The following CMTM8 variants were observed in gnomAD, a reference collection of about 807,000 sequenced individuals.
The protein encoded by CMTM8 is CKLF-like MARVEL transmembrane domain-containing protein 8.
CMTM8 carries 12 observed loss-of-function variants against 18.6 expected under a neutral mutation model. That is an observed-to-expected ratio of 0.65 (90% CI 0.41 to 1.05). CMTM8 has a LOEUF of 1.05. CMTM8 is among the 50% of genes least tolerant of loss of function. CMTM8 has a pLI of 0.00. For missense variants in CMTM8, 217 were observed against 227.2 expected, an observed-to-expected ratio of 0.95 and a Z score of 0.29; for synonymous variants, 87 against 90.6, an observed-to-expected ratio of 0.96 and a Z score of 0.23.
intron 1 of CMTM8, among the ~76,000 whole-genome samples, chr3:32,334,382 A>G (rs917989445): frequency 6.6e-6 from 1 of 152,016 alleles, no homozygotes; most frequent in South Asian, 2.1e-4. Context: ...CCAGGCAGGC[A>G]GATCACGAGG....
intron 1 of CMTM8, among the ~76,000 whole-genome samples, chr3:32,275,666 T>TTGG (rs144431874): frequency 0.094 from 8,796 of 93,472 alleles, 459 homozygotes; most frequent in African/African-American, 0.13. Flanking sequence ...TTTTTTTTTT[T>TTGG]GGGGACAGAG....
At chr3:32,355,996 T>A (rs960555369) in intron 1 of CMTM8, among the ~76,000 whole-genome samples, 2 of 152,202 alleles carry the variant, frequency 1.3e-5, no homozygotes, top group African/African-American at 4.8e-5. Flanking sequence ...ACCGTTTACC[T>A]TCTTCATAAC....
chr3:32,288,575 A>C (rs1332555348), intron 1 of CMTM8, among the ~76,000 whole-genome samples: 1 of 151,314 alleles, frequency 6.6e-6, no homozygotes, highest in Non-Finnish European at 1.5e-5. Flanking sequence ...ATCTCAGCTC[A>C]CTGCAACCTC....
chr3:32,341,407 G>T (rs117176094), intron 1 of CMTM8, among the ~76,000 whole-genome samples: 35 of 152,244 alleles, frequency 2.3e-4, no homozygotes, highest in African/African-American at 7.9e-4. Flanking sequence ...GCAGGCTTAT[G>T]GTCTGCCAAA....
At chr3:32,272,243 A>T (rs796462463) in intron 1 of CMTM8, among the ~76,000 whole-genome samples, 13 of 152,242 alleles carry the variant, frequency 8.5e-5, no homozygotes, top group South Asian at 4.1e-4. Flanking sequence ...AGCTTTAAAA[A>T]TTTTTTGTCT....
chr3:32,307,238 G>A (rs1408778708), intron 1 of CMTM8, among the ~76,000 whole-genome samples: 1 of 152,230 alleles, frequency 6.6e-6, no homozygotes, highest in Admixed American at 6.5e-5. Flanking sequence ...TACTCGGGAG[G>A]CTGAGGCAAG....
intron 1 of CMTM8, among the ~76,000 whole-genome samples, chr3:32,291,268 A>T (rs544934046): frequency 1.3e-5 from 2 of 151,986 alleles, no homozygotes; most frequent in Non-Finnish European, 2.9e-5. Flanking sequence ...AGCTGGGACT[A>T]CAGGTGCCCG....
At chr3:32,288,440 G>A (rs1442796681) in intron 1 of CMTM8, among the ~76,000 whole-genome samples, 1 of 151,886 alleles carries the variant, frequency 6.6e-6, no homozygotes, top group African/African-American at 2.4e-5. Context: ...ACCACACCCA[G>A]CTAATTTTTT....
At chr3:32,276,263 A>ATCTTAAT (rs891733956) in intron 1 of CMTM8, among the ~76,000 whole-genome samples, 1 of 152,122 alleles carries the variant, frequency 6.6e-6, no homozygotes, top group African/African-American at 2.4e-5. Flanking sequence ...CAAACTGTGT[A>ATCTTAAT]TCTTAATTCA....
At chr3:32,297,822 A>G (rs931592120) in intron 1 of CMTM8, among the ~76,000 whole-genome samples, 9 of 152,006 alleles carry the variant, frequency 5.9e-5, no homozygotes, top group Admixed American at 5.9e-4. Flanking sequence ...GTGGGTGGGA[A>G]AATAAGGTTT....
At chr3:32,362,041 C>CTTTT (rs1696941813) in intron 2 of CMTM8, among the ~76,000 whole-genome samples, 1 of 11,698 alleles carries the variant, frequency 8.5e-5, no homozygotes, top group Non-Finnish European at 2.8e-4. Flanking sequence ...CTACTATTTT[C>CTTTT]TTTTCTTTTT....
At chr3:32,298,860 CACAT>C (rs1265484661) in intron 1 of CMTM8, among the ~76,000 whole-genome samples, 16 of 143,686 alleles carry the variant, frequency 1.1e-4, no homozygotes, top group Admixed American at 2.8e-4. Context: ...TATACACACA[CACAT>C]ATATATACAC....
chr3:32,317,765 G>C (rs1695957384), intron 1 of CMTM8, among the ~76,000 whole-genome samples: 1 of 152,030 alleles, frequency 6.6e-6, no homozygotes, highest in African/African-American at 2.4e-5. Flanking sequence ...AGTTTAAAAA[G>C]AAATAAGGGC....
At chr3:32,365,482 G>A (rs1697017363) in intron 2 of CMTM8, among the ~76,000 whole-genome samples, 1 of 152,120 alleles carries the variant, frequency 6.6e-6, no homozygotes, top group Non-Finnish European at 1.5e-5. Flanking sequence ...GTCTCACTCT[G>A]TCACCCAGGC....
rs1701905095 is a variant in CMTM8 at position 32,238,867 on chromosome 3, C to T, written c.-106C>T. On this transcript the variant is annotated 5_prime_UTR_variant, in exon 1 of 4. Coordinates refer to ENST00000307526, the MANE Select transcript of CMTM8 (RefSeq NM_178868.5). ...CTCGCACCTCCTGCCCCGCGCGGGC[C>T]GCGCTCCCCTCCCCCGCGCCTGTGT... 9.1e-7 allele frequency: 1 copy of T among 1,097,930 alleles called. No individual in the cohort carries two copies. The highest frequency in any genetic ancestry group is 1.2e-6 in the Non-Finnish European group (1 of 846,880). 68.0% of individuals were successfully genotyped at this position (1,097,930 alleles called of 1,614,324 possible).
intron 1 of CMTM8, among the ~76,000 whole-genome samples, chr3:32,327,113 T>TAAAAAAAA (rs35018766): frequency 7.1e-6 from 1 of 141,058 alleles, no homozygotes; most frequent in African/African-American, 2.6e-5. Flanking sequence ...CTAGAAGAGT[T>TAAAAAAAA]AAAAAAAAAA....
At chr3:32,301,788 G>A (rs1695623625) in intron 1 of CMTM8, among the ~76,000 whole-genome samples, 1 of 152,082 alleles carries the variant, frequency 6.6e-6, no homozygotes, top group South Asian at 2.1e-4. Flanking sequence ...GTGTGAAAAG[G>A]CAGGTGATGT....
chr3:32,310,538 A>G (rs575937946), intron 1 of CMTM8, among the ~76,000 whole-genome samples: 3 of 152,284 alleles, frequency 2.0e-5, no homozygotes. Flanking sequence ...ACTTTCTCCT[A>G]GGGTTATTTT....
chr3:32,359,344 C>G (rs1297099978), intron 2 of CMTM8, among the ~76,000 whole-genome samples: 1 of 152,194 alleles, frequency 6.6e-6, no homozygotes, highest in African/African-American at 2.4e-5. Context: ...TGGCTCACAC[C>G]TGTAATCTTA....
Sources: allele counts gnomAD v4.1 joint callset (sites outside exome capture counted in the v4.1 genomes callset), GRCh38; gene constraint gnomAD v4.1.1; transcripts MANE v1.5; gene names NCBI Gene and HGNC (gene_info 2026-07-23, HGNC 2026-07-21).